Variants in SLIT3 observed in about 807,000 individuals in gnomAD.
The protein encoded by SLIT3 is slit homolog 3 protein.
Under a neutral mutation model 184.0 loss-of-function variants are expected in SLIT3, and 68 were observed. That is an observed-to-expected ratio of 0.37 (90% CI 0.30 to 0.45). SLIT3 has a LOEUF of 0.45. Among genes scored for constraint, SLIT3 ranks in the 20% least tolerant of loss-of-function variants. SLIT3 has a pLI of 1.00. For missense variants in SLIT3, 1,707 were observed against 2,026.0 expected, an observed-to-expected ratio of 0.84 and a Z score of 3.02; for synonymous variants, 831 against 828.6, an observed-to-expected ratio of 1.00 and a Z score of -0.05.
intron 15 of SLIT3, among the ~76,000 whole-genome samples, chr5:168,761,798 G>A (rs1373191561): frequency 6.6e-6 from 1 of 151,772 alleles, no homozygotes; most frequent in Non-Finnish European, 1.5e-5. Flanking sequence ...GAGTGCAGTG[G>A]TATGATCATA....
intron 4 of SLIT3, among the ~76,000 whole-genome samples, chr5:169,145,735 T>A (rs1301782290): frequency 1.3e-5 from 2 of 151,978 alleles, no homozygotes; most frequent in South Asian, 2.1e-4. Flanking sequence ...TGATAACATA[T>A]CAACAACAAC....
chr5:168,789,767 A>G lies in SLIT3; in HGVS notation c.1008-136T>C. The G allele has an allele frequency of 1.6e-5, 11 of 669,398 alleles. No individual in the cohort carries two copies. In the South Asian group the frequency reaches 2.0e-4, roughly 12 times the overall value. The allele number at this position is 669,398 out of a possible 1,614,324, so 41.5% of individuals were successfully genotyped here. On this transcript the variant is annotated intron_variant, in intron 10 of 35. Transcript: ENST00000519560. ...TCAATCAAGCAATTCATTTACTCAT[A>G]GTGCAAGAGAAGGAGCTTAAAGAGC...
intron 20 of SLIT3, among the ~76,000 whole-genome samples, chr5:168,726,613 T>G (rs1763138130): frequency 6.7e-6 from 1 of 149,902 alleles, no homozygotes; most frequent in African/African-American, 2.5e-5. Flanking sequence ...AAATATAAAT[T>G]ATGAATTGCA....
intron 20 of SLIT3, among the ~76,000 whole-genome samples, chr5:168,736,922 G>T (rs1763456102): frequency 6.6e-6 from 1 of 152,178 alleles, no homozygotes; most frequent in Non-Finnish European, 1.5e-5. Context: ...AGTAGCTCCG[G>T]TTATCTCACC....
chr5:168,908,649 A>T (rs554103978), intron 4 of SLIT3, among the ~76,000 whole-genome samples: 2 of 152,174 alleles, frequency 1.3e-5, no homozygotes, highest in South Asian at 2.1e-4. Flanking sequence ...AGGGTAACAA[A>T]CTGCAAGGGA....
chr5:168,904,483 A>AAATAATAAT (rs550517719), intron 4 of SLIT3, among the ~76,000 whole-genome samples: 1 of 82,382 alleles, frequency 1.2e-5, no homozygotes, highest in Non-Finnish European at 3.0e-5. Flanking sequence ...CTTACTTTAG[A>AAATAATAAT]AATAACAATA....
intron 4 of SLIT3, among the ~76,000 whole-genome samples, chr5:169,076,705 T>G (rs1334053471): frequency 3.9e-5 from 6 of 152,114 alleles, no homozygotes; most frequent in Non-Finnish European, 7.4e-5. Context: ...CCTTGAAAAC[T>G]CTAGAACTGG....
At chr5:169,085,956 AAG>A (rs1257012567) in intron 4 of SLIT3, among the ~76,000 whole-genome samples, 11 of 152,274 alleles carry the variant, frequency 7.2e-5, no homozygotes, top group Admixed American at 2.0e-4. Context: ...CTGCAGCGGC[AAG>A]AGTCAGCAGC....
intron 4 of SLIT3, among the ~76,000 whole-genome samples, chr5:168,932,602 C>T (rs558969795): frequency 2.6e-4 from 40 of 152,250 alleles, no homozygotes; most frequent in African/African-American, 8.7e-4. Flanking sequence ...CAGGGACACC[C>T]CGTGGGGCAG....
At chr5:168,912,563 G>A (rs1293073795) in intron 4 of SLIT3, among the ~76,000 whole-genome samples, 1 of 152,120 alleles carries the variant, frequency 6.6e-6, no homozygotes, top group Non-Finnish European at 1.5e-5. Context: ...GTGACTCAGG[G>A]CTCTGCCATT....
chr5:169,175,188 CAGAGAAT>C (rs1762940686), intron 4 of SLIT3, among the ~76,000 whole-genome samples: 1 of 152,172 alleles, frequency 6.6e-6, no homozygotes, highest in African/African-American at 2.4e-5. Context: ...TAATATGAGT[CAGAGAAT>C]AGACTGATAC....
Position 169,070,245 on chromosome 5 carries a change from G to A in SLIT3, c.413+123234C>T, listed in dbSNP as rs548556427. On this transcript the variant is annotated intron_variant, in intron 4 of 35. Transcript: ENST00000519560. Reference sequence around the variant, plus strand: ...TGATGTGTCCTTGAAGTAACTGGATGTTTCTGGGATTGAAGGGGCATCCTG... The same window carrying A: ...TGATGTGTCCTTGAAGTAACTGGATATTTCTGGGATTGAAGGGGCATCCTG... Among the ~76,000 whole-genome samples the A allele has an allele frequency of 2.6e-4, 39 of 152,284 alleles. 1 individual carries two copies. The South Asian group carries it at 7.9e-3, about 31-fold the overall frequency.
At chr5:169,134,641 C>T (rs998613945) in intron 4 of SLIT3, among the ~76,000 whole-genome samples, 1 of 152,136 alleles carries the variant, frequency 6.6e-6, no homozygotes, top group Non-Finnish European at 1.5e-5. Flanking sequence ...AGGAGAAATA[C>T]CTAATGAAAA....
At chr5:168,796,221 A>C (rs1029531430) in intron 9 of SLIT3, among the ~76,000 whole-genome samples, 1 of 152,084 alleles carries the variant, frequency 6.6e-6, no homozygotes, top group Non-Finnish European at 1.5e-5. Flanking sequence ...TGTGCCTTTA[A>C]CCTCTTATGG....
In SLIT3 at chr5:168,850,719, G is replaced by A. The variant is rs941733659; in HGVS notation, c.486-6064C>T. The stretch of plus-strand genomic sequence containing the variant: ...GTCATTATGCATACTTTGCCACATA[G>A]CTAGCATAACACCTTCTATTTCATA... On this transcript the variant is annotated intron_variant, in intron 5 of 35. Transcript: ENST00000519560. Among the ~76,000 whole-genome samples the A allele has an allele frequency of 3.3e-5, 5 of 152,188 alleles. No individual in the cohort carries two copies. In the East Asian group the frequency reaches 9.6e-4, roughly 29 times the overall value.
intron 32 of SLIT3, among the ~76,000 whole-genome samples, chr5:168,683,591 T>C (rs1761656664): frequency 6.6e-6 from 1 of 152,146 alleles, no homozygotes; most frequent in Non-Finnish European, 1.5e-5. Flanking sequence ...AGTTGCATGC[T>C]AATTGTGCCC....
chr5:168,895,921 G>A (rs919566887), intron 4 of SLIT3, among the ~76,000 whole-genome samples: 1 of 152,210 alleles, frequency 6.6e-6, no homozygotes, highest in African/African-American at 2.4e-5. Flanking sequence ...AGGACCCAAT[G>A]AACTGCAGAG....
intron 5 of SLIT3, among the ~76,000 whole-genome samples, chr5:168,880,370 C>G (rs1454264932): frequency 6.6e-6 from 1 of 152,236 alleles, no homozygotes; most frequent in Non-Finnish European, 1.5e-5. Flanking sequence ...CTCTTTCTAA[C>G]CCAATCACAC....
At chr5:168,848,349 A>G (rs1378405240) in intron 5 of SLIT3, among the ~76,000 whole-genome samples, 1 of 152,228 alleles carries the variant, frequency 6.6e-6, no homozygotes, top group African/African-American at 2.4e-5. Context: ...TTTCTGAGAC[A>G]CAGACCTCTA....
Sources: allele counts gnomAD v4.1 joint callset (sites outside exome capture counted in the v4.1 genomes callset), GRCh38; gene constraint gnomAD v4.1.1; transcripts MANE v1.5; gene names NCBI Gene and HGNC (gene_info 2026-07-23, HGNC 2026-07-21).